HMCN1: variants seen among roughly 807,000 people sequenced by gnomAD.
The protein encoded by HMCN1 is hemicentin-1.
Under a neutral mutation model 625.9 loss-of-function variants are expected in HMCN1, and 321 were observed. The ratio of observed to expected loss-of-function variants is 0.51; its 90% CI spans 0.47 to 0.56. The LOEUF (loss-of-function observed/expected upper bound fraction) is 0.56. HMCN1 is among the 20% of genes least tolerant of loss of function. HMCN1 has a pLI of 0.00. For synonymous variants in HMCN1, 2,425 were observed against 2,417.6 expected (o/e 1.00, Z -0.09); for missense variants, 6,588 against 6,887.3 (o/e 0.96, Z 1.54).
intron 1 of HMCN1, among the ~76,000 whole-genome samples, chr1:185,770,826 A>G (rs948845476): frequency 4.6e-5 from 7 of 152,210 alleles, no homozygotes; most frequent in Non-Finnish European, 1.0e-4. Flanking sequence ...TAAAATTGAC[A>G]TTTAAGTGCA....
At chr1:185,851,345 G>A (rs1030392114) in intron 2 of HMCN1, among the ~76,000 whole-genome samples, 18 of 152,060 alleles carry the variant, frequency 1.2e-4, no homozygotes, top group African/African-American at 4.1e-4. Context: ...AGTTTGAAGT[G>A]CATTAATCAT....
intron 68 of HMCN1, among the ~76,000 whole-genome samples, chr1:186,097,145 C>T (rs2102427655): frequency 6.6e-6 from 1 of 152,248 alleles, no homozygotes; most frequent in South Asian, 2.1e-4. Flanking sequence ...CTAAAGACTC[C>T]ACCAGAAAAC....
intron 10 of HMCN1, among the ~76,000 whole-genome samples, chr1:185,932,507 G>A (rs1470406010): frequency 3.9e-5 from 6 of 152,088 alleles, no homozygotes; most frequent in Non-Finnish European, 1.5e-5. Context: ...TTTTATTGTT[G>A]CATTATTTAT....
In HMCN1 at chr1:185,763,235, A is replaced by G. The variant is rs1124755; in HGVS notation, c.268+28188A>G. Among the ~76,000 whole-genome samples the G allele has an allele frequency of 3.9e-5, 6 of 152,268 alleles. No individual in the cohort carries two copies. In the East Asian group the frequency reaches 1.2e-3, roughly 29 times the overall value. On this transcript the variant is annotated intron_variant, in intron 1 of 106. Coordinates refer to ENST00000271588, the MANE Select transcript of HMCN1 (RefSeq NM_031935.3). Reference sequence around the variant, plus strand: ...CGACATTAAAGCAGACACCGGAGAAACAACACTGGGACCACCAGAGACAGG... The same window carrying G: ...CGACATTAAAGCAGACACCGGAGAAGCAACACTGGGACCACCAGAGACAGG...
Position 185,994,866 on chromosome 1 carries a change from A to T in HMCN1, c.3557A>T (p.Gln1186Leu). ...AAACATCTCAAAGTCCAAGTTGGTC[A>T]AAGAGTGGATATTCCATGTAATGCT... ...GPKHLKVQVGQRVDIPCNAQG... is the reference protein window; with the variant it reads ...GPKHLKVQVGLRVDIPCNAQG... The change falls in exon 24 of 107, where the codon CAA (glutamine) becomes CTA (leucine). Residue 1186 changes from glutamine to leucine, a missense_variant. Physicochemically the swap from Gln to Leu is moderately radical, Grantham distance 113. Around this residue, in one of 3 missense-constraint regions of HMCN1, gnomAD observed 4,628 missense variants for 4,853.1 expected, o/e 0.95. Coordinates refer to ENST00000271588, the MANE Select transcript of HMCN1 (RefSeq NM_031935.3). The T allele has an allele frequency of 6.2e-7, 1 of 1,613,828 alleles. No individual in the cohort carries two copies. Among genetic ancestry groups the T allele is most frequent in the Non-Finnish European group, 8.5e-7 (1 of 1,179,776 alleles).
At chr1:186,110,199 G>A (rs780270253) in intron 71 of HMCN1, among the ~76,000 whole-genome samples, 2 of 152,004 alleles carry the variant, frequency 1.3e-5, no homozygotes, top group South Asian at 2.1e-4. Flanking sequence ...AAAAAAAAGC[G>A]GCCTTTGATG....
At chr1:185,768,411 G>A (rs1308650929) in intron 1 of HMCN1, among the ~76,000 whole-genome samples, 4 of 152,190 alleles carry the variant, frequency 2.6e-5, no homozygotes, top group Admixed American at 2.6e-4. Context: ...ACAGGTGGGA[G>A]AAGTTGGCTT....
intron 1 of HMCN1, among the ~76,000 whole-genome samples, chr1:185,835,996 G>T (rs572227695): frequency 1.3e-5 from 2 of 152,226 alleles, no homozygotes; most frequent in African/African-American, 2.4e-5. Context: ...AGAGACGAAA[G>T]CTTGAAGTGA....
intron 1 of HMCN1, among the ~76,000 whole-genome samples, chr1:185,760,569 T>C (rs1231543638): frequency 6.6e-6 from 1 of 152,204 alleles, no homozygotes; most frequent in Non-Finnish European, 1.5e-5. Context: ...CTATGCCTTA[T>C]ACTGTATTCT....
At chr1:186,115,968 G>C (rs1226991186) in intron 75 of HMCN1, among the ~76,000 whole-genome samples, 1 of 151,760 alleles carries the variant, frequency 6.6e-6, no homozygotes, top group East Asian at 1.9e-4. Flanking sequence ...TTATAGGTGA[G>C]CATCATTTTT....
intron 28 of HMCN1, among the ~76,000 whole-genome samples, chr1:186,003,324 C>T (rs1240105879): frequency 6.6e-6 from 1 of 152,136 alleles, no homozygotes; most frequent in Non-Finnish European, 1.5e-5. Flanking sequence ...AGTAGCACCA[C>T]ACTATATGTA....
rs746012600 is a variant in HMCN1 at position 186,189,941 on chromosome 1, T to A, written c.*63T>A. Reference sequence around the variant, plus strand: ...ATTAATCATGGCAATCAAGCCCCCTTCCAGATTACTGTCTCTTGAACAGTT... The same window carrying A: ...ATTAATCATGGCAATCAAGCCCCCTACCAGATTACTGTCTCTTGAACAGTT... On this transcript the variant is annotated 3_prime_UTR_variant, in exon 107 of 107. Coordinates refer to ENST00000271588, the MANE Select transcript of HMCN1 (RefSeq NM_031935.3). 10 of 1,574,134 alleles carry A rather than the reference T, an allele frequency of 6.4e-6. No individual in the cohort carries two copies. The highest frequency in any genetic ancestry group is 4.0e-5 in the African/African-American group (3 of 74,162).
chr1:186,009,179 A>C (rs1653829246), intron 30 of HMCN1, among the ~76,000 whole-genome samples: 1 of 152,190 alleles, frequency 6.6e-6, no homozygotes, highest in African/African-American at 2.4e-5. Flanking sequence ...GCACTATTGT[A>C]TTTTTGCCAG....
chr1:185,995,156 AGATT>A (rs1652701542), intron 24 of HMCN1, 69 bp downstream of exon 24: 5 of 1,393,416 alleles, frequency 3.6e-6, no homozygotes, highest in Non-Finnish European at 5.1e-6. Context: ...AGAGCTAAAT[AGATT>A]ATCTTCGATA....
chr1:185,754,716 C>A (rs1308586564), intron 1 of HMCN1, among the ~76,000 whole-genome samples: 3 of 152,032 alleles, frequency 2.0e-5, no homozygotes, highest in Non-Finnish European at 4.4e-5. Flanking sequence ...GGCATGATGG[C>A]AGATGCCTGT....
intron 11 of HMCN1, among the ~76,000 whole-genome samples, chr1:185,951,934 G>C (rs1428332097): frequency 6.6e-6 from 1 of 151,852 alleles, no homozygotes; most frequent in Non-Finnish European, 1.5e-5. Flanking sequence ...AAATCCTGTT[G>C]TGGGGTTTGA....
intron 2 of HMCN1, among the ~76,000 whole-genome samples, chr1:185,859,019 ATGTGTGTGTGTGTG>A (rs71101981): frequency 1.7e-4 from 24 of 140,008 alleles, no homozygotes; most frequent in African/African-American, 3.4e-4. Context: ...TGGGTTAAAG[ATGTGTGTGTGTGTG>A]TGTGTGTGTG....
rs1264684247 is a variant in HMCN1, at chr1:186,114,074, A to G, written c.11227A>G (p.Arg3743Gly). Residue 3743 changes from arginine (R) to glycine (G), a missense_variant, in exon 73 of 107, where the codon AGG becomes GGG. Transcript: ENST00000271588. Reference protein sequence around the residue: ...ECIAEGVPTPRITWRKDGAVL... With the variant: ...ECIAEGVPTPGITWRKDGAVL... ...CATCGCTGAAGGTGTGCCAACTCCA[A>G]GGATAACATGGAGAAAGGATGGAGC... 2 of 1,614,080 alleles carry G rather than the reference A, an allele frequency of 1.2e-6. No individual in the cohort carries two copies. The highest frequency in any genetic ancestry group is 1.1e-5 in the South Asian group (1 of 91,082).
chr1:185,904,207 G>A (rs535643688), intron 4 of HMCN1, among the ~76,000 whole-genome samples: 2 of 151,860 alleles, frequency 1.3e-5, no homozygotes, highest in African/African-American at 4.8e-5. Context: ...TGGAAGCATA[G>A]GCTCTATGCT....
Sources: allele counts gnomAD v4.1 joint callset (sites outside exome capture counted in the v4.1 genomes callset), GRCh38; gene constraint gnomAD v4.1.1; regional missense constraint gnomAD v4.1.1; transcripts MANE v1.5; gene names NCBI Gene and HGNC (gene_info 2026-07-23, HGNC 2026-07-21).